Variants in UBE2E3 observed in about 807,000 individuals in gnomAD.
The protein encoded by UBE2E3 is ubiquitin-conjugating enzyme E2 E3.
UBE2E3 carries 5 observed loss-of-function variants against 23.6 expected under a neutral mutation model. The ratio of observed to expected loss-of-function variants is 0.21; its 90% CI spans 0.11 to 0.44. The LOEUF is 0.44. UBE2E3 is among the 20% of genes least tolerant of loss of function. The probability of loss-of-function intolerance (pLI) is 0.99; values close to 1 mark genes in which losing one functional copy is unlikely to be tolerated. For synonymous variants in UBE2E3, 78 were observed against 87.5 expected, an observed-to-expected ratio of 0.89 and a Z score of 0.60; for missense variants, 81 against 249.8, an observed-to-expected ratio of 0.32 and a Z score of 4.55.
intron 3 of UBE2E3, among the ~76,000 whole-genome samples, chr2:181,014,337 C>T (rs1275889574): frequency 6.6e-6 from 1 of 152,094 alleles, no homozygotes; most frequent in African/African-American, 2.4e-5. Flanking sequence ...TCTGATACAA[C>T]TCAGAGAAGC....
chr2:181,044,439 A>T (rs542803708), intron 3 of UBE2E3, among the ~76,000 whole-genome samples: 7 of 152,136 alleles, frequency 4.6e-5, no homozygotes, highest in African/African-American at 1.7e-4. Flanking sequence ...GCAAACCCAG[A>T]TCATAAGGGA....
intron 3 of UBE2E3, chr2:180,989,964 T>A (rs1239070077): frequency 6.5e-7 from 1 of 1,547,384 alleles, no homozygotes; most frequent in Admixed American, 2.0e-5. Context: ...TTCTTCCCTA[T>A]CAATATGAGA....
chr2:181,041,924 A>T (rs1686518044), intron 3 of UBE2E3, among the ~76,000 whole-genome samples: 1 of 152,220 alleles, frequency 6.6e-6, no homozygotes, highest in Non-Finnish European at 1.5e-5. Flanking sequence ...AGCAGACCTT[A>T]GTACTGTTGA....
At chr2:181,027,470 A>G (rs1685932762) in intron 3 of UBE2E3, among the ~76,000 whole-genome samples, 1 of 152,004 alleles carries the variant, frequency 6.6e-6, no homozygotes. Context: ...AAAAGATCCC[A>G]GGAATTCTTA....
At chr2:180,994,175 A>G (rs761608503) in intron 3 of UBE2E3, among the ~76,000 whole-genome samples, 2 of 152,198 alleles carry the variant, frequency 1.3e-5, no homozygotes, top group African/African-American at 4.8e-5. Context: ...TTTCCATTAG[A>G]AGATGCCAAA....
At chr2:181,056,640 A>G (rs780358264) in intron 3 of UBE2E3, among the ~76,000 whole-genome samples, 24 of 151,824 alleles carry the variant, frequency 1.6e-4, no homozygotes, top group Non-Finnish European at 3.1e-4. Flanking sequence ...ACACTTCCCA[A>G]CATTGCCGCG....
intron 3 of UBE2E3, among the ~76,000 whole-genome samples, chr2:181,040,433 AT>A: frequency 6.6e-6 from 1 of 152,250 alleles, no homozygotes. Flanking sequence ...GGATAGGAAA[AT>A]TTTTTTATAA....
intron 3 of UBE2E3, among the ~76,000 whole-genome samples, chr2:181,017,806 C>T (rs978563382): frequency 9.4e-5 from 14 of 148,870 alleles, no homozygotes; most frequent in Admixed American, 1.4e-4. Flanking sequence ...CGAACTAAAA[C>T]GGGTATCTGC....
chr2:180,991,028 A>G (rs543279147), intron 3 of UBE2E3, among the ~76,000 whole-genome samples: 1 of 152,148 alleles, frequency 6.6e-6, no homozygotes, highest in African/African-American at 2.4e-5. Flanking sequence ...CTGTTTCCAC[A>G]CCAAAAATGT....
At chr2:181,021,632 T>TTTCCTTCCTTCCTTACTTCCTTCC (rs1685700166) in intron 3 of UBE2E3, among the ~76,000 whole-genome samples, 5 of 39,994 alleles carry the variant, frequency 1.3e-4, no homozygotes, top group Admixed American at 4.5e-4. Flanking sequence ...CCCTCCCTTT[T>TTTCCTTCCTTCCTTACTTCCTTCC]TTCCTTCCTT....
At chr2:181,005,318 TGG>T (rs1205938610) in intron 3 of UBE2E3, among the ~76,000 whole-genome samples, 3 of 152,238 alleles carry the variant, frequency 2.0e-5, no homozygotes, top group African/African-American at 7.2e-5. Flanking sequence ...GCGTGAATCT[TGG>T]CCCCAGTTTT....
At chr2:181,004,260 A>G (rs1020437300) in intron 3 of UBE2E3, among the ~76,000 whole-genome samples, 23 of 152,210 alleles carry the variant, frequency 1.5e-4, no homozygotes, top group Non-Finnish European at 2.9e-4. Context: ...TAGTAGTTCT[A>G]GTTGTAAAAC....
At chr2:180,997,098 G>T (rs1684845578) in intron 3 of UBE2E3, among the ~76,000 whole-genome samples, 1 of 148,314 alleles carries the variant, frequency 6.7e-6, no homozygotes. Flanking sequence ...TTACCCCATT[G>T]CCTCAAACTA....
At chr2:181,048,032 AGG>A (rs1686722207) in intron 3 of UBE2E3, among the ~76,000 whole-genome samples, 1 of 152,106 alleles carries the variant, frequency 6.6e-6, no homozygotes. Context: ...TGATGGCCTC[AGG>A]GCATTTTCCT....
intron 3 of UBE2E3, among the ~76,000 whole-genome samples, chr2:181,004,792 G>T (rs1387078293): frequency 2.6e-5 from 4 of 152,140 alleles, no homozygotes; most frequent in Non-Finnish European, 5.9e-5. Context: ...TGTGAAAAAA[G>T]TAATATATAT....
chr2:181,015,866 T>G (rs1396816133), intron 3 of UBE2E3, among the ~76,000 whole-genome samples: 2 of 152,002 alleles, frequency 1.3e-5, no homozygotes, highest in Non-Finnish European at 2.9e-5. Flanking sequence ...GTTCAGCAAT[T>G]TATAGCTAAC....
chr2:181,027,738 A>G (rs534631278), intron 3 of UBE2E3, among the ~76,000 whole-genome samples: 1 of 152,124 alleles, frequency 6.6e-6, no homozygotes, highest in East Asian at 1.9e-4. Flanking sequence ...CAAGTATTGA[A>G]ACTGAATATA....
intron 3 of UBE2E3, among the ~76,000 whole-genome samples, chr2:181,022,451 A>G (rs1451064420): frequency 1.3e-5 from 2 of 152,094 alleles, no homozygotes; most frequent in Non-Finnish European, 2.9e-5. Flanking sequence ...AATTATGTAA[A>G]TTAATACATA....
At chr2:181,019,160 G>A (rs13389513) in intron 3 of UBE2E3, among the ~76,000 whole-genome samples, 6,757 of 152,170 alleles carry the variant, frequency 0.044, 219 homozygotes, top group African/African-American at 0.087. Flanking sequence ...ACAGGGTTTC[G>A]TGTTGGTCAG....
Sources: gnomAD v4.1 joint callset for allele counts (sites outside exome capture counted in the v4.1 genomes callset) on GRCh38, gnomAD v4.1.1 for gene constraint, MANE v1.5 for transcripts, NCBI Gene and HGNC (gene_info 2026-07-23, HGNC 2026-07-21) for gene names.